Variants in CNTNAP5 observed in about 807,000 individuals in gnomAD.
The protein encoded by CNTNAP5 is contactin associated protein family member 5, also known as contactin-associated protein-like 5.
A neutral mutation model predicts 150.2 loss-of-function variants in CNTNAP5; 72 were observed. The observed-to-expected ratio is 0.48, with a 90% CI of 0.40 to 0.58. CNTNAP5 has a LOEUF of 0.58. CNTNAP5 is among the 20% of genes least tolerant of loss of function. The probability of loss-of-function intolerance (pLI) is 0.00; values close to 1 mark genes in which losing one functional copy is unlikely to be tolerated. For synonymous variants in CNTNAP5, 672 were observed against 619.8 expected (o/e 1.08, Z -1.25); for missense variants, 1,636 against 1,626.2 (o/e 1.01, Z -0.10).
chr2:124,373,294 G>A (rs1690572995), intron 3 of CNTNAP5, among the ~76,000 whole-genome samples: 1 of 152,128 alleles, frequency 6.6e-6, no homozygotes, highest in African/African-American at 2.4e-5. Flanking sequence ...AGAGGACTCA[G>A]GAAAGCACTG....
chr2:124,539,291 T>C (rs1262876076), intron 10 of CNTNAP5, among the ~76,000 whole-genome samples: 2 of 152,194 alleles, frequency 1.3e-5, no homozygotes, highest in African/African-American at 4.8e-5. Flanking sequence ...TGGGTTTGAT[T>C]GTGACATGGA....
In CNTNAP5 at chr2:124,151,995, C is replaced by G. The variant is rs74434186; in HGVS notation, c.83-69710C>G. On this transcript the variant is annotated intron_variant, in intron 1 of 23. Coordinates refer to ENST00000682447, the MANE Select transcript of CNTNAP5 (RefSeq NM_001367498.1). ...ATAGGAAAATAAGTTTATAGGACAC[C>G]CACTGAAATACATTAACACGCACTT... Among the ~76,000 whole-genome samples the G allele has an allele frequency of 2.3e-3, 345 of 152,150 alleles. 2 individuals are homozygous for G. The highest frequency in any genetic ancestry group is 8.0e-3 in the African/African-American group (334 of 41,504).
rs143512358 is a variant in CNTNAP5 at position 124,029,765 on chromosome 2, T to G, written c.82+4033T>G. Among the ~76,000 whole-genome samples the G allele has an allele frequency of 5.2e-4, 79 of 152,232 alleles. 1 individual carries two copies. The highest frequency in any genetic ancestry group is 2.5e-3 in the Admixed American group (38 of 15,292). Reference sequence around the variant, plus strand: ...CCCATTTGTTAAAAAAACAAAGTAATGCGATATCATTTGAAATGCCCCTGA... The same window carrying G: ...CCCATTTGTTAAAAAAACAAAGTAAGGCGATATCATTTGAAATGCCCCTGA... On this transcript the variant is annotated intron_variant, in intron 1 of 23. Coordinates refer to ENST00000682447, the MANE Select transcript of CNTNAP5 (RefSeq NM_001367498.1).
At chr2:124,774,108 C>T (rs769583281) in intron 17 of CNTNAP5, among the ~76,000 whole-genome samples, 37 of 151,884 alleles carry the variant, frequency 2.4e-4, no homozygotes, top group Non-Finnish European at 5.0e-4. Flanking sequence ...AAAGAGTGTG[C>T]TTTTATATAA....
At chr2:124,424,235 G>T (rs1236421845) in intron 4 of CNTNAP5, among the ~76,000 whole-genome samples, 1 of 152,040 alleles carries the variant, frequency 6.6e-6, no homozygotes, top group African/African-American at 2.4e-5. Flanking sequence ...CATCATCTGG[G>T]ATCATTTGTC....
chr2:124,790,049 T>A lies in CNTNAP5; in HGVS notation c.2900T>A (p.Ile967Asn), dbSNP rs1426498500. ...GGCCACTGCAGCAGCTACGGCAGCA[T>A]CTGCCACAACGGGGGCAAGTGTGTG... Reference protein sequence around the residue: ...CPGHCSSYGSICHNGGKCVEK... With the variant: ...CPGHCSSYGSNCHNGGKCVEK... The change falls in exon 18 of 24, where the codon ATC (isoleucine) becomes AAC (asparagine). Residue 967 changes from isoleucine (I) to asparagine (N), a missense_variant. Transcript: ENST00000682447. The A allele has an allele frequency of 1.2e-6, 2 of 1,613,914 alleles. No individual in the cohort carries two copies. The highest frequency in any genetic ancestry group is 1.7e-5 in the Admixed American group (1 of 60,016).
At chr2:124,183,898 G>C (rs894788326) in intron 1 of CNTNAP5, among the ~76,000 whole-genome samples, 7 of 152,136 alleles carry the variant, frequency 4.6e-5, no homozygotes, top group African/African-American at 9.7e-5. Context: ...TGCCACAAAA[G>C]TAATAGCGAA....
intron 1 of CNTNAP5, among the ~76,000 whole-genome samples, chr2:124,084,924 G>GTT (rs71394021): frequency 1.2e-4 from 11 of 89,994 alleles, no homozygotes; most frequent in Admixed American, 8.7e-4. Flanking sequence ...CAAGTTTCCT[G>GTT]TTTTTTTTTT....
At chr2:124,777,146 G>GAA (rs11317771) in intron 17 of CNTNAP5, among the ~76,000 whole-genome samples, 84 of 136,794 alleles carry the variant, frequency 6.1e-4, no homozygotes, top group African/African-American at 2.0e-3. Context: ...CTTTAGTGGG[G>GAA]AAAAAAAAAA....
At chr2:124,731,140 G>A (rs939097161) in intron 13 of CNTNAP5, among the ~76,000 whole-genome samples, 2 of 152,000 alleles carry the variant, frequency 1.3e-5, no homozygotes, top group Non-Finnish European at 2.9e-5. Flanking sequence ...TATTAGACTT[G>A]CAGCCATCAG....
intron 10 of CNTNAP5, among the ~76,000 whole-genome samples, chr2:124,535,598 C>G (rs1338956032): frequency 7.9e-6 from 1 of 127,142 alleles, no homozygotes; most frequent in Non-Finnish European, 1.7e-5. Flanking sequence ...CCCGTCTCTA[C>G]TGAAATACAA....
At chr2:124,781,102 C>T (rs1681440170) in intron 17 of CNTNAP5, among the ~76,000 whole-genome samples, 1 of 152,186 alleles carries the variant, frequency 6.6e-6, no homozygotes, top group African/African-American at 2.4e-5. Flanking sequence ...CTTTGTCCTT[C>T]ATCCTTTTTT....
rs116221076 is a variant in CNTNAP5, at chr2:124,431,276, G to A, written c.530-3208G>A. ...GGAATGGAATGCAGATCATAGTAACGATGATGAATGGAGAGGGAGGTGAGT... is the reference window on the plus strand; with the variant it reads ...GGAATGGAATGCAGATCATAGTAACAATGATGAATGGAGAGGGAGGTGAGT... On this transcript the variant is annotated intron_variant, in intron 4 of 23. Coordinates refer to ENST00000682447, the MANE Select transcript of CNTNAP5 (RefSeq NM_001367498.1). Among the ~76,000 whole-genome samples the A allele has an allele frequency of 5.1e-3, 783 of 152,184 alleles. 6 individuals carry two copies. The highest frequency in any genetic ancestry group is 0.018 in the African/African-American group (736 of 41,536).
Position 124,137,758 on chromosome 2 carries a change from G to A in CNTNAP5, c.83-83947G>A, listed in dbSNP as rs138880779. Among the ~76,000 whole-genome samples, 1,156 of 152,264 alleles carry A rather than the reference G, an allele frequency of 7.6e-3. 10 individuals carry two copies. The highest frequency in any genetic ancestry group is 0.026 in the African/African-American group (1,079 of 41,542). ...TGGTGGACTTGTACTTGCCATTGAA[G>A]AGATACCAAGATGTGAACATGTGGA... is the stretch of plus-strand genomic sequence containing the variant. On this transcript the variant is annotated intron_variant, in intron 1 of 23. Coordinates refer to ENST00000682447, the MANE Select transcript of CNTNAP5 (RefSeq NM_001367498.1).
At chr2:124,447,175 C>T (rs1338533558) in intron 6 of CNTNAP5, among the ~76,000 whole-genome samples, 1 of 138,672 alleles carries the variant, frequency 7.2e-6, no homozygotes, top group Non-Finnish European at 1.6e-5. Context: ...TTTTAAAATC[C>T]AGCAGGTTTC....
intron 21 of CNTNAP5, among the ~76,000 whole-genome samples, chr2:124,872,480 T>G (rs576558649): frequency 6.7e-6 from 1 of 149,998 alleles, no homozygotes; most frequent in Non-Finnish European, 1.5e-5. Flanking sequence ...GATCAAAAAT[T>G]AAGACACTCT....
chr2:124,644,350 A>G (rs1273502243), intron 12 of CNTNAP5, among the ~76,000 whole-genome samples: 2 of 152,158 alleles, frequency 1.3e-5, no homozygotes, highest in Non-Finnish European at 2.9e-5. Context: ...CTACACAACC[A>G]CCAATGCAGC....
chr2:124,905,173 T>C (rs1678510101), intron 22 of CNTNAP5, among the ~76,000 whole-genome samples: 1 of 144,916 alleles, frequency 6.9e-6, no homozygotes, highest in African/African-American at 2.5e-5. Flanking sequence ...AACAGGTACA[T>C]GAAAAGGTGC....
intron 1 of CNTNAP5, among the ~76,000 whole-genome samples, chr2:124,053,436 A>C (rs558364595): frequency 6.6e-6 from 1 of 152,292 alleles, no homozygotes; most frequent in East Asian, 1.9e-4. Context: ...ACGAGGACAA[A>C]GGTTTCTGTC....
Sources: gnomAD v4.1 joint callset for allele counts (sites outside exome capture counted in the v4.1 genomes callset) on GRCh38, gnomAD v4.1.1 for gene constraint, MANE v1.5 for transcripts, NCBI Gene and HGNC (gene_info 2026-07-23, HGNC 2026-07-21) for gene names.